KCNQ1: variants seen among roughly 807,000 people sequenced by gnomAD.
KCNQ1 encodes potassium voltage-gated channel subfamily KQT member 1.
In KCNQ1, 49 loss-of-function variants were observed where a neutral mutation model predicts 72.4. That is an observed-to-expected ratio of 0.68 (90% CI 0.54 to 0.86). The LOEUF (loss-of-function observed/expected upper bound fraction) is 0.86, where lower values mean the gene tolerates loss of function less well. KCNQ1 is among the 40% of genes least tolerant of loss of function. KCNQ1 has a pLI of 0.00. For missense variants in KCNQ1, 790 were observed against 945.1 expected (o/e 0.84, Z 2.15); for synonymous variants, 450 against 412.6 (o/e 1.09, Z -1.10).
At position 2,752,509 on chromosome 11, in the gene KCNQ1, G is replaced by A. The variant is rs1846242086; in HGVS notation, c.1515-16335G>A. 6.6e-6 allele frequency among the ~76,000 whole-genome samples: 1 copy of A among 152,158 alleles called. No homozygotes were observed. On this transcript the variant is annotated intron_variant, in intron 11 of 15. Transcript: ENST00000155840. The surrounding 1 kb of genome is among the most constrained non-coding windows in gnomAD (Gnocchi z 5.2). ...ATACTTAGGAATTCATTGTTCTGGA[G>A]ACTGGGAAGCACAGGGTCAGGGCGC...
intron 10 of KCNQ1, chr11:2,646,378 G>A: frequency 2.5e-6 from 1 of 398,514 alleles, no homozygotes; most frequent in Non-Finnish European, 4.4e-6. Flanking sequence ...TTCAATTACT[G>A]TTATCAGTAT....
rs1321939343 is a variant in KCNQ1, at chr11:2,674,397, G to A, written c.1514+12316G>A. On this transcript the variant is annotated intron_variant, in intron 11 of 15. Coordinates refer to ENST00000155840, the MANE Select transcript of KCNQ1 (RefSeq NM_000218.3). This position sits in a 1 kb window ranked among gnomAD's most constrained non-coding sequence, Gnocchi z 5.9. Reference sequence around the variant, plus strand: ...CTGCTTAGGGAAGGTGCATGCGTGCGTGTGTGTGTGCGCGCCCGCGCGCAC... The same window carrying A: ...CTGCTTAGGGAAGGTGCATGCGTGCATGTGTGTGTGCGCGCCCGCGCGCAC... 1.3e-5 allele frequency: 5 copies of A among 397,342 alleles called. No individual in the cohort carries two copies. The highest frequency in any genetic ancestry group is 3.6e-5 in the East Asian group (1 of 28,010). The allele number at this position is 397,342 out of a possible 1,614,324, so 24.6% of individuals were successfully genotyped here. A position where few individuals can be genotyped will look rare whatever the true frequency, so the allele number is the denominator to read the frequency against.
In KCNQ1 at chr11:2,550,424, C is replaced by T. The variant is rs546450235; in HGVS notation, c.478-20204C>T. 3.9e-5 allele frequency among the ~76,000 whole-genome samples: 6 copies of T among 152,266 alleles called. No individual in the cohort carries two copies. Among genetic ancestry groups the T allele is most frequent in the East Asian group, 1.9e-4 (1 of 5,178 alleles). On this transcript the variant is annotated intron_variant, in intron 2 of 15. Coordinates refer to ENST00000155840, the MANE Select transcript of KCNQ1 (RefSeq NM_000218.3). The surrounding 1 kb of genome is among the most constrained non-coding windows in gnomAD (Gnocchi z 6.0). ...GTGGGAGAAGCCCACGTTCTGGGAG[C>T]GTCGCAGTGGCCCAGACACCCATGT...
At position 2,817,195 on chromosome 11, in the gene KCNQ1, A is replaced by C. The variant is rs1476706429; in HGVS notation, c.1795-30572A>C. On this transcript the variant is annotated intron_variant, in intron 15 of 15. Coordinates refer to ENST00000155840, the MANE Select transcript of KCNQ1 (RefSeq NM_000218.3). The surrounding 1 kb of genome is among the most constrained non-coding windows in gnomAD (Gnocchi z 6.1). The stretch of plus-strand genomic sequence containing the variant: ...CAAGGGTTAACGGTGCAAGCTCCTC[A>C]CGGCACCAGTGCGCTTGCCTTTGAC... Among the ~76,000 whole-genome samples the C allele has an allele frequency of 6.6e-6, 1 of 152,154 alleles. No homozygotes were observed. The highest frequency in any genetic ancestry group is 6.5e-5 in the Admixed American group (1 of 15,284).
At chr11:2,648,892 G>C (rs531620126) in intron 10 of KCNQ1, 95 of 396,098 alleles carry the variant, frequency 2.4e-4, no homozygotes, top group African/African-American at 1.8e-3. Flanking sequence ...CTCCAGTGTT[G>C]TTGGTTGCAT....
chr11:2,591,895 GAGTCCCCTTTGCCC>G (rs1474200100), intron 10 of KCNQ1, among the ~76,000 whole-genome samples: 1 of 152,254 alleles, frequency 6.6e-6, no homozygotes, highest in Non-Finnish European at 1.5e-5. Context: ...TGATAATCCG[GAGTCCCCTTTGCCC>G]AGGAGGCTCT....
At chr11:2,796,964 C>G (rs995881533) in intron 15 of KCNQ1, among the ~76,000 whole-genome samples, 1 of 152,256 alleles carries the variant, frequency 6.6e-6, no homozygotes, top group African/African-American at 2.4e-5. Flanking sequence ...GGCCTAACCC[C>G]CCAAGGGCCA....
chr11:2,784,899 T>C lies in KCNQ1; in HGVS notation c.1794+6862T>C, dbSNP rs919193618. 1.3e-5 allele frequency among the ~76,000 whole-genome samples: 2 copies of C among 152,060 alleles called. No individual in the cohort carries two copies. Among genetic ancestry groups the C allele is most frequent in the Non-Finnish European group, 2.9e-5 (2 of 67,874 alleles). ...TCTTGTAAACTGACTTTTCTATTCT[T>C]GGCTTTAGCCATTTTTGTTGTTGCT... is the stretch of plus-strand genomic sequence containing the variant. On this transcript the variant is annotated intron_variant, in intron 15 of 15. Transcript: ENST00000155840. This position sits in a 1 kb window ranked among gnomAD's most constrained non-coding sequence, Gnocchi z 4.7.
rs116691151 is a variant in KCNQ1 at position 2,798,047 on chromosome 11, C to T, written c.1794+20010C>T. On this transcript the variant is annotated intron_variant, in intron 15 of 15. Coordinates refer to ENST00000155840, the MANE Select transcript of KCNQ1 (RefSeq NM_000218.3). ...GACCCAATTGCACAGCCATCCACAGCGGCCTTGGGACAATACTGAGTCTTG... is the reference window on the plus strand; with the variant it reads ...GACCCAATTGCACAGCCATCCACAGTGGCCTTGGGACAATACTGAGTCTTG... Among the ~76,000 whole-genome samples the T allele has an allele frequency of 1.6e-3, 239 of 152,306 alleles. 1 individual carries two copies. The highest frequency in any genetic ancestry group is 4.8e-3 in the African/African-American group (199 of 41,572).
intron 13 of KCNQ1, 74 bp downstream of exon 13, chr11:2,776,128 G>C (rs1488271225): frequency 1.5e-6 from 2 of 1,299,300 alleles, no homozygotes; most frequent in Non-Finnish European, 2.1e-6. Context: ...ATGATCAGCG[G>C]TGCCGGAGGA....
intron 11 of KCNQ1, among the ~76,000 whole-genome samples, chr11:2,733,820 T>A (rs906644989): frequency 0.058 from 1,362 of 23,310 alleles, 11 homozygotes; most frequent in Middle Eastern, 0.13. Context: ...ACACACTCTC[T>A]CACTCTCTCT....
At position 2,713,810 on chromosome 11, in the gene KCNQ1, G is replaced by A. The variant is rs779698882; in HGVS notation, c.1514+51729G>A. ...CACTGTAGAGTTCATGGATTCAGAGGATATACCGTATTCTGGCCGTCTTAC... is the reference window on the plus strand; with the variant it reads ...CACTGTAGAGTTCATGGATTCAGAGAATATACCGTATTCTGGCCGTCTTAC... On this transcript the variant is annotated intron_variant, in intron 11 of 15. Transcript: ENST00000155840. This position sits in a 1 kb window ranked among gnomAD's most constrained non-coding sequence, Gnocchi z 5.6. Among the ~76,000 whole-genome samples, 9 of 152,330 alleles carry A rather than the reference G, an allele frequency of 5.9e-5. No homozygotes were observed. Among genetic ancestry groups the A allele is most frequent in the Non-Finnish European group, 1.2e-4 (8 of 68,028 alleles).
Position 2,468,594 on chromosome 11 carries a change from C to G in KCNQ1, c.386+23110C>G, listed in dbSNP as rs915035064. ...CCCTCACAGCGTCCCCCTGTCCCCACGACCAGGCCACTGCTGCCCTACCAT... is the reference window on the plus strand; with the variant it reads ...CCCTCACAGCGTCCCCCTGTCCCCAGGACCAGGCCACTGCTGCCCTACCAT... On this transcript the variant is annotated intron_variant, in intron 1 of 15. Coordinates refer to ENST00000155840, the MANE Select transcript of KCNQ1 (RefSeq NM_000218.3). This position sits in a 1 kb window ranked among gnomAD's most constrained non-coding sequence, Gnocchi z 5.7. Among the ~76,000 whole-genome samples the G allele has an allele frequency of 6.6e-6, 1 of 152,206 alleles. No homozygotes were observed. Among genetic ancestry groups the G allele is most frequent in the Non-Finnish European group, 1.5e-5 (1 of 68,046 alleles).
intron 1 of KCNQ1, among the ~76,000 whole-genome samples, chr11:2,523,186 T>A (rs963588901): frequency 2.2e-5 from 3 of 136,902 alleles, no homozygotes; most frequent in Admixed American, 1.5e-4. Context: ...CTTTCTTTTT[T>A]AATTTAATTT....
At position 2,740,860 on chromosome 11, in the gene KCNQ1, C is replaced by A. The variant is rs1318747442; in HGVS notation, c.1515-27984C>A. On this transcript the variant is annotated intron_variant, in intron 11 of 15. Coordinates refer to ENST00000155840, the MANE Select transcript of KCNQ1 (RefSeq NM_000218.3). ...TGACTCTGATCCCCTGCCTCTTTCC[C>A]GTATCAGGACCCTTGTCATCACATT... Among the ~76,000 whole-genome samples, 3 of 152,350 alleles carry A rather than the reference C, an allele frequency of 2.0e-5. No individual in the cohort carries two copies. The South Asian group carries it at 6.2e-4, about 32-fold the overall frequency.
intron 11 of KCNQ1, among the ~76,000 whole-genome samples, chr11:2,733,774 C>CCACACACACACACACACA (rs144399150): frequency 0.016 from 893 of 57,232 alleles, 19 homozygotes; most frequent in Middle Eastern, 0.038. Flanking sequence ...TTCAGGCCTT[C>CCACACACACACACACACA]CACACACACA....
intron 10 of KCNQ1, chr11:2,646,669 T>G (rs1849670917): frequency 2.5e-6 from 1 of 398,478 alleles, no homozygotes; most frequent in African/African-American, 2.1e-5. Context: ...GAACTTCAGG[T>G]GCAGGCCACC....
At chr11:2,514,485 G>A (rs1317223707) in intron 1 of KCNQ1, among the ~76,000 whole-genome samples, 1 of 152,202 alleles carries the variant, frequency 6.6e-6, no homozygotes, top group Non-Finnish European at 1.5e-5. Flanking sequence ...CTCTGTAGTG[G>A]GTAGGAGGTT....
chr11:2,569,603 G>A (rs1848296880), intron 2 of KCNQ1, among the ~76,000 whole-genome samples: 3 of 152,194 alleles, frequency 2.0e-5, no homozygotes, highest in Admixed American at 2.0e-4. Flanking sequence ...TGTGTGGCTA[G>A]CGCCTCTCAC....
Sources: gnomAD v4.1 joint callset for allele counts (sites outside exome capture counted in the v4.1 genomes callset) on GRCh38, gnomAD v4.1.1 for gene constraint, Gnocchi (gnomAD v3.1) non-coding constraint, MANE v1.5 for transcripts, NCBI Gene and HGNC (gene_info 2026-07-23, HGNC 2026-07-21) for gene names.